Variants in KATNIP observed in about 807,000 individuals in gnomAD.
KATNIP encodes the protein katanin interacting protein.
Under a neutral mutation model 174.0 loss-of-function variants are expected in KATNIP, and 126 were observed. The ratio of observed to expected loss-of-function variants is 0.72; its 90% CI spans 0.63 to 0.84. The LOEUF (loss-of-function observed/expected upper bound fraction) is 0.84, where lower values mean the gene tolerates loss of function less well. KATNIP is among the 40% of genes least tolerant of loss of function. The pLI, the probability that KATNIP is intolerant of heterozygous loss-of-function variation, is 0.00. For synonymous variants in KATNIP, 810 were observed against 835.7 expected (o/e 0.97, Z 0.53); for missense variants, 1,958 against 2,109.7 (o/e 0.93, Z 1.41).
At chr16:27,773,739 G>A (rs1443733151) in intron 23 of KATNIP, among the ~76,000 whole-genome samples, 1 of 152,076 alleles carries the variant, frequency 6.6e-6, no homozygotes, top group East Asian at 1.9e-4. Context: ...GGCAACACAG[G>A]CCCTTGATTA....
rs11320678 is a variant in KATNIP, at chr16:27,640,677, ATT to A, written c.409-7910_409-7909del. ...CTTGAGGGCAGGGCATTGGTTTTTA[ATT>A]TTTTTTTTTTTTTTTTGTATCTTCC... On this transcript the variant is annotated intron_variant, in intron 5 of 27. Transcript: ENST00000261588. Among the ~76,000 whole-genome samples the A allele has an allele frequency of 9.1e-3, 1,106 of 122,088 alleles. 4 individuals carry two copies. The highest frequency in any genetic ancestry group is 0.027 in the South Asian group (101 of 3,730). 80.1% of individuals were successfully genotyped at this position (122,088 alleles called of 152,430 possible). A position where few individuals can be genotyped will look rare whatever the true frequency, so the allele number is the denominator to read the frequency against.
At chr16:27,604,699 A>G (rs1596886104) in intron 2 of KATNIP, among the ~76,000 whole-genome samples, 2 of 152,186 alleles carry the variant, frequency 1.3e-5, no homozygotes, top group East Asian at 3.8e-4. Context: ...TGTGAAATAA[A>G]GTCAACACCA....
intron 6 of KATNIP, among the ~76,000 whole-genome samples, chr16:27,651,861 A>G (rs1404448786): frequency 6.6e-6 from 1 of 152,228 alleles, no homozygotes; most frequent in Non-Finnish European, 1.5e-5. Context: ...TTGAGATTAC[A>G]GGCGCCAACC....
At chr16:27,613,718 G>C (rs914373324) in intron 2 of KATNIP, among the ~76,000 whole-genome samples, 59 of 152,230 alleles carry the variant, frequency 3.9e-4, no homozygotes, top group African/African-American at 1.3e-3. Context: ...TAAACTGCAC[G>C]ATTTATGTGT....
At chr16:27,642,743 A>G (rs1161279078) in intron 5 of KATNIP, among the ~76,000 whole-genome samples, 1 of 151,512 alleles carries the variant, frequency 6.6e-6, no homozygotes, top group African/African-American at 2.4e-5. Context: ...CCCAGGCTGG[A>G]CACATTGTTT....
At chr16:27,774,854 C>T (rs2082434246) in intron 23 of KATNIP, 91 bp from the exon 24 acceptor site, 2 of 1,494,734 alleles carry the variant, frequency 1.3e-6, no homozygotes, top group Non-Finnish European at 1.8e-6. Context: ...CTGCCAGCCC[C>T]AGAGTCCCCC....
chr16:27,772,868 TACAC>T (rs1461156397), intron 22 of KATNIP, among the ~76,000 whole-genome samples: 9 of 151,804 alleles, frequency 5.9e-5, no homozygotes, highest in Admixed American at 4.6e-4. Context: ...CATGCATGCA[TACAC>T]ACACATGAAC....
chr16:27,707,460 G>A (rs1018866182), intron 12 of KATNIP, among the ~76,000 whole-genome samples: 3 of 152,316 alleles, frequency 2.0e-5, no homozygotes, highest in Admixed American at 1.3e-4. Flanking sequence ...CTTACAGAGC[G>A]CACCCAGGGC....
At chr16:27,681,313 G>T in intron 7 of KATNIP, 86 bp from the exon 8 acceptor site, 1 of 1,516,736 alleles carries the variant, frequency 6.6e-7, no homozygotes. Flanking sequence ...GAATGAGTAA[G>T]TGAATGAATG....
intron 15 of KATNIP, among the ~76,000 whole-genome samples, chr16:27,747,326 A>G (rs2081328389): frequency 6.6e-6 from 1 of 152,212 alleles, no homozygotes. Flanking sequence ...TGGAGAAGGC[A>G]TTTCAGTGGC....
chr16:27,773,567 T>A (rs1469409076), intron 23 of KATNIP, among the ~76,000 whole-genome samples: 2 of 152,230 alleles, frequency 1.3e-5, no homozygotes, highest in African/African-American at 4.8e-5. Flanking sequence ...TTCAACTCAG[T>A]GTGTCCTGAA....
intron 2 of KATNIP, among the ~76,000 whole-genome samples, chr16:27,607,767 C>T (rs560655649): frequency 7.2e-5 from 11 of 152,128 alleles, no homozygotes; most frequent in East Asian, 3.9e-4. Context: ...CCATCATGTC[C>T]GGCTAATTTT....
At chr16:27,574,848 G>A (rs2090441243) in intron 2 of KATNIP, among the ~76,000 whole-genome samples, 1 of 152,190 alleles carries the variant, frequency 6.6e-6, no homozygotes, top group African/African-American at 2.4e-5. Context: ...ACCACACCCG[G>A]CCCCACTTTC....
At chr16:27,741,352 C>T (rs951098938) in intron 15 of KATNIP, among the ~76,000 whole-genome samples, 3 of 150,942 alleles carry the variant, frequency 2.0e-5, no homozygotes, top group South Asian at 2.1e-4. Flanking sequence ...GTAGGAGGAT[C>T]GCTTGAGCCA....
At position 27,723,575 on chromosome 16, in the gene KATNIP, T is replaced by C. The variant is rs184469037; in HGVS notation, c.1743+1880T>C. 3.5e-3 allele frequency among the ~76,000 whole-genome samples: 531 copies of C among 152,184 alleles called. 3 individuals are homozygous for C. The highest frequency in any genetic ancestry group is 5.3e-3 in the Non-Finnish European group (363 of 68,018). ...ACTTTCCCAGGCCGCCATGGACCTC[T>C]TAAGAGTCATCTCCACCCCTGCCCT... On this transcript the variant is annotated intron_variant, in intron 14 of 27. Coordinates refer to ENST00000261588, the MANE Select transcript of KATNIP (RefSeq NM_015202.5).
At chr16:27,636,855 C>T (rs1421791505) in intron 5 of KATNIP, among the ~76,000 whole-genome samples, 1 of 152,220 alleles carries the variant, frequency 6.6e-6, no homozygotes, top group African/African-American at 2.4e-5. Context: ...GGAGCATGTG[C>T]AGCGTGCATT....
chr16:27,628,865 T>G, intron 4 of KATNIP, 35 bp downstream of exon 4: 1 of 1,607,964 alleles, frequency 6.2e-7, no homozygotes, highest in Non-Finnish European at 8.5e-7. Flanking sequence ...GTCTCAGCTC[T>G]GTTAATCAAA....
chr16:27,757,447 C>G (rs948038781), intron 18 of KATNIP: 1 of 966,164 alleles, frequency 1.0e-6, no homozygotes, highest in African/African-American at 1.8e-5. Context: ...GAATGCTGGC[C>G]AGGCAGAAGC....
chr16:27,600,627 ACAATTC>A (rs920833411), intron 2 of KATNIP, among the ~76,000 whole-genome samples: 1 of 150,544 alleles, frequency 6.6e-6, no homozygotes, highest in Admixed American at 6.6e-5. Flanking sequence ...GAGCTCTTTT[ACAATTC>A]GGTGTCTTGT....
Sources: gnomAD v4.1 joint callset for allele counts (sites outside exome capture counted in the v4.1 genomes callset) on GRCh38, gnomAD v4.1.1 for gene constraint, MANE v1.5 for transcripts, NCBI Gene and HGNC (gene_info 2026-07-23, HGNC 2026-07-21) for gene names.